The following UGT1A9 variants were observed in gnomAD, a reference collection of about 807,000 sequenced individuals.
UGT1A9 encodes the protein UDP-glucuronosyltransferase 1A9.
In UGT1A9, 35 loss-of-function variants were observed where a neutral mutation model predicts 45.0. The ratio of observed to expected loss-of-function variants is 0.78; its 90% CI spans 0.59 to 1.03. The LOEUF (loss-of-function observed/expected upper bound fraction) is 1.03. Ranked by LOEUF, UGT1A9 falls within the 50% of genes least tolerant of loss-of-function variation. UGT1A9 has a pLI of 0.00. For missense variants in UGT1A9, 687 were observed against 666.6 expected, an observed-to-expected ratio of 1.03 and a Z score of -0.34; for synonymous variants, 278 against 250.6, an observed-to-expected ratio of 1.11 and a Z score of -1.03.
At chr2:233,698,261 A>G (rs911865957) in intron 1 of UGT1A9, among the ~76,000 whole-genome samples, 9 of 152,224 alleles carry the variant, frequency 5.9e-5, no homozygotes, top group Non-Finnish European at 1.3e-4. Context: ...TTGTCCAATA[A>G]TCAAACCATT....
At chr2:233,699,325 A>G (rs1484519888) in intron 1 of UGT1A9, among the ~76,000 whole-genome samples, 1 of 152,046 alleles carries the variant, frequency 6.6e-6, no homozygotes, top group Non-Finnish European at 1.5e-5. Context: ...TATTTTGTTG[A>G]GTTTCATCCA....
chr2:233,677,973 G>A (rs2074405013), intron 1 of UGT1A9, among the ~76,000 whole-genome samples: 1 of 152,106 alleles, frequency 6.6e-6, no homozygotes, highest in African/African-American at 2.4e-5. Flanking sequence ...CATACTCCAT[G>A]GAATATGCAG....
intron 1 of UGT1A9, among the ~76,000 whole-genome samples, chr2:233,700,896 C>CG (rs2075597942): frequency 6.6e-6 from 1 of 151,952 alleles, no homozygotes; most frequent in Non-Finnish European, 1.5e-5. Flanking sequence ...CAACAGTCCC[C>CG]GGTGTGTGAC....
chr2:233,757,549 T>C lies in UGT1A9; in HGVS notation c.856-9485T>C, dbSNP rs1446411737. Among the ~76,000 whole-genome samples, 177 of 133,748 alleles carry C rather than the reference T, an allele frequency of 1.3e-3. 1 individual carries two copies. The highest frequency in any genetic ancestry group is 1.5e-3 in the Non-Finnish European group (97 of 64,202). The allele number at this position is 133,748 out of a possible 152,430, so 87.7% of individuals were successfully genotyped here. ...TGCCTGTAAGGAATATATATATATATATATATATATATGTATATATGATAT... is the reference window on the plus strand; with the variant it reads ...TGCCTGTAAGGAATATATATATATACATATATATATATGTATATATGATAT... On this transcript the variant is annotated intron_variant, in intron 1 of 4. Transcript: ENST00000354728.
At position 233,767,025 on chromosome 2, in the gene UGT1A9, T is replaced by G. The variant is rs1345213013; in HGVS notation, c.856-9T>G. ...AAAAATTAACTGAAAATTTTTCTTC[T>G]GGCTCTAGGAATTTGAAGCCTACAT... On this transcript the variant is annotated splice_polypyrimidine_tract_variant and intron_variant, in intron 1 of 4. Coordinates refer to ENST00000354728, the MANE Select transcript of UGT1A9 (RefSeq NM_021027.3). The G allele has an allele frequency of 6.2e-7, 1 of 1,614,030 alleles. No individual in the cohort carries two copies. The highest frequency in any genetic ancestry group is 8.5e-7 in the Non-Finnish European group (1 of 1,180,008).
At chr2:233,675,819 C>G (rs934785521) in intron 1 of UGT1A9, among the ~76,000 whole-genome samples, 14 of 152,098 alleles carry the variant, frequency 9.2e-5, no homozygotes, top group African/African-American at 3.4e-4. Context: ...CTTGGCATGT[C>G]ATTCCATCAC....
intron 1 of UGT1A9, chr2:233,681,938 A>C (rs1005355336): frequency 3.7e-6 from 6 of 1,611,742 alleles, no homozygotes; most frequent in Admixed American, 1.7e-5. Context: ...AAGTTCTCTG[A>C]TGGCTCGTGC....
chr2:233,672,737 A>T lies in UGT1A9; in HGVS notation c.803A>T (p.Asn268Ile), dbSNP rs748958979. Residue 268 changes from asparagine to isoleucine, a missense_variant, in exon 1 of 5, where the codon AAC becomes ATC. By Grantham distance (149) the Asn-to-Ile change is moderately radical. Transcript: ENST00000354728. ...GACTATCCCAAACCCGTGATGCCCA[A>T]CATGATCTTCATTGGTGGTATCAAC... ...VLDYPKPVMP[N>I]MIFIGGINCH... 5.6e-6 allele frequency: 9 copies of T among 1,613,796 alleles called. No individual in the cohort carries two copies. The highest frequency in any genetic ancestry group is 7.6e-6 in the Non-Finnish European group (9 of 1,179,828).
Position 233,672,579 on chromosome 2 carries a change from G to A in UGT1A9, c.645G>A (p.Glu215=). Residue 215 remains glutamate, a synonymous_variant, in exon 1 of 5, where the codon GAG becomes GAA. Transcript: ENST00000354728. The part of the protein sequence containing the change: ...ERVRNHIMHL[E]EHLLCHRFFK... Reference sequence around the variant, plus strand: ...TACGGAACCACATCATGCACTTGGAGGAACATTTATTATGCCACCGTTTTT... The same window carrying A: ...TACGGAACCACATCATGCACTTGGAAGAACATTTATTATGCCACCGTTTTT... The A allele has an allele frequency of 6.2e-7, 1 of 1,613,876 alleles. No homozygotes were observed. The highest frequency in any genetic ancestry group is 1.1e-5 in the South Asian group (1 of 91,076).
At chr2:233,717,189 G>A (rs769962045) in intron 1 of UGT1A9, among the ~76,000 whole-genome samples, 4 of 152,156 alleles carry the variant, frequency 2.6e-5, no homozygotes, top group South Asian at 2.1e-4. Context: ...CACCCTCCCA[G>A]GCATGTTCCA....
At chr2:233,708,644 G>A (rs970833084) in intron 1 of UGT1A9, 4 of 152,176 alleles carry the variant, frequency 2.6e-5, no homozygotes, top group African/African-American at 9.7e-5. Context: ...CTAACTACTC[G>A]GAAGGCTGAG....
chr2:233,767,800 A>G (rs1049574519), intron 2 of UGT1A9, 49 bp from the exon 3 acceptor site: 1 of 1,614,072 alleles, frequency 6.2e-7, no homozygotes, highest in African/African-American at 1.3e-5. Context: ...TTTGTTTTCT[A>G]ATCATATTAT....
chr2:233,693,127 T>G (rs779383196), intron 1 of UGT1A9: 1 of 1,614,216 alleles, frequency 6.2e-7, no homozygotes, highest in African/African-American at 1.3e-5. Flanking sequence ...ACTGGCTTAG[T>G]ATGAAGGATA....
intron 1 of UGT1A9, among the ~76,000 whole-genome samples, chr2:233,678,091 T>A (rs2074408425): frequency 6.6e-6 from 1 of 152,196 alleles, no homozygotes; most frequent in Non-Finnish European, 1.5e-5. Context: ...ACCATTGTTT[T>A]CACTTAGAAA....
At chr2:233,677,323 G>C (rs552269750) in intron 1 of UGT1A9, among the ~76,000 whole-genome samples, 1 of 151,982 alleles carries the variant, frequency 6.6e-6, no homozygotes, top group Non-Finnish European at 1.5e-5. Flanking sequence ...AGTGTTCATT[G>C]CTAGTATAGT....
At chr2:233,740,765 C>T (rs894944360) in intron 1 of UGT1A9, 8 of 151,662 alleles carry the variant, frequency 5.3e-5, no homozygotes, top group South Asian at 2.1e-4. Context: ...CTTATCAAAC[C>T]GTTGTATAAA....
chr2:233,728,923 A>G (rs3806597), intron 1 of UGT1A9, among the ~76,000 whole-genome samples: 83,819 of 152,074 alleles, frequency 0.55, 25,237 homozygotes, highest in African/African-American at 0.81. Flanking sequence ...CAAGATAGTC[A>G]TGATCGGTCT....
Position 233,768,326 on chromosome 2 carries a change from G to A in UGT1A9, c.1182G>A (p.Gln394=), listed in dbSNP as rs1299905562. ...PMVMMPLFGD[Q]MDNAKRMETK... ...TGATGATGCCCTTGTTTGGTGATCAGATGGACAATGCAAAGCGCATGGAGA... is the reference window on the plus strand; with the variant it reads ...TGATGATGCCCTTGTTTGGTGATCAAATGGACAATGCAAAGCGCATGGAGA... The change falls in exon 4 of 5, where the codon CAG becomes CAA. Residue 394 remains glutamine (Q), a synonymous_variant. Transcript: ENST00000354728. 6.2e-7 allele frequency: 1 copy of A among 1,614,204 alleles called. No homozygotes were observed. The highest frequency in any genetic ancestry group is 1.3e-5 in the African/African-American group (1 of 75,056).
chr2:233,758,527 A>G (rs1696905658), intron 1 of UGT1A9, among the ~76,000 whole-genome samples: 1 of 152,232 alleles, frequency 6.6e-6, no homozygotes, highest in East Asian at 1.9e-4. Context: ...GAGTGAAAGC[A>G]TTGCTATGTC....
Sources: allele counts gnomAD v4.1 joint callset (sites outside exome capture counted in the v4.1 genomes callset), GRCh38; gene constraint gnomAD v4.1.1; transcripts MANE v1.5; gene names NCBI Gene and HGNC (gene_info 2026-07-23, HGNC 2026-07-21).